The following CTNND2 variants were observed in gnomAD, a reference collection of about 807,000 sequenced individuals.
CTNND2 encodes the protein catenin delta-2.
In CTNND2, 22 loss-of-function variants were observed where a neutral mutation model predicts 144.4. The ratio of observed to expected loss-of-function variants is 0.15; its 90% CI spans 0.11 to 0.22. The LOEUF is 0.22. Ranked by LOEUF, CTNND2 falls within the 10% of genes least tolerant of loss-of-function variation. The pLI, the probability that CTNND2 is intolerant of heterozygous loss-of-function variation, is 1.00. For synonymous variants in CTNND2, 751 were observed against 695.6 expected, an observed-to-expected ratio of 1.08 and a Z score of -1.25; for missense variants, 1,353 against 1,618.8, an observed-to-expected ratio of 0.84 and a Z score of 2.82.
At chr5:11,620,873 C>T (rs1311548239) in intron 2 of CTNND2, among the ~76,000 whole-genome samples, 4 of 152,088 alleles carry the variant, frequency 2.6e-5, no homozygotes, top group African/African-American at 4.8e-5. Context: ...TTCTGGATGT[C>T]GAATACCTGA....
At chr5:11,288,472 G>C (rs532777562) in intron 9 of CTNND2, among the ~76,000 whole-genome samples, 1 of 152,214 alleles carries the variant, frequency 6.6e-6, no homozygotes, top group African/African-American at 2.4e-5. Context: ...GCTTGCATGG[G>C]TGTAATTATT....
intron 9 of CTNND2, among the ~76,000 whole-genome samples, chr5:11,327,079 C>A (rs1446320866): frequency 2.0e-5 from 3 of 152,152 alleles, no homozygotes; most frequent in Non-Finnish European, 2.9e-5. Context: ...GTGCCTATGT[C>A]CAGGGTCCAC....
chr5:11,668,171 TG>T (rs1464491886), intron 2 of CTNND2, among the ~76,000 whole-genome samples: 3 of 152,234 alleles, frequency 2.0e-5, no homozygotes, highest in Non-Finnish European at 2.9e-5. Flanking sequence ...ACTGTAGCCT[TG>T]TAATATAGTT....
intron 11 of CTNND2, among the ~76,000 whole-genome samples, chr5:11,196,577 C>G (rs1197422030): frequency 1.3e-5 from 2 of 152,198 alleles, no homozygotes; most frequent in African/African-American, 4.8e-5. Context: ...GATACCTGAC[C>G]TAATTCCTAA....
chr5:11,682,002 A>G (rs2126629683), intron 2 of CTNND2, among the ~76,000 whole-genome samples: 1 of 150,910 alleles, frequency 6.6e-6, no homozygotes, highest in South Asian at 2.1e-4. Flanking sequence ...CATGACACAC[A>G]GCATGCTGGC....
chr5:11,067,819 G>A (rs1339661874), intron 16 of CTNND2, among the ~76,000 whole-genome samples: 1 of 152,196 alleles, frequency 6.6e-6, no homozygotes, highest in African/African-American at 2.4e-5. Flanking sequence ...AAGTGGAAAG[G>A]TAGAGACTTT....
intron 10 of CTNND2, 36 bp downstream of exon 10, chr5:11,236,655 T>C (rs1451310506): frequency 6.2e-7 from 1 of 1,610,488 alleles, no homozygotes. Flanking sequence ...CTTATGAATC[T>C]GACACCAATC....
At chr5:11,297,206 G>T (rs543913233) in intron 9 of CTNND2, among the ~76,000 whole-genome samples, 1 of 152,210 alleles carries the variant, frequency 6.6e-6, no homozygotes, top group Non-Finnish European at 1.5e-5. Context: ...GTACAAAAAA[G>T]TTCATTGCTA....
chr5:11,882,176 C>T (rs1176703485), intron 1 of CTNND2, among the ~76,000 whole-genome samples: 1 of 151,998 alleles, frequency 6.6e-6, no homozygotes, highest in East Asian at 1.9e-4. Flanking sequence ...TGTCTCTTCA[C>T]TCTATTGATT....
chr5:11,020,751 T>G (rs1454429503), intron 17 of CTNND2, among the ~76,000 whole-genome samples: 1 of 146,290 alleles, frequency 6.8e-6, no homozygotes, highest in Non-Finnish European at 1.5e-5. Flanking sequence ...AAAAAAGAGA[T>G]AAGCTACATG....
intron 9 of CTNND2, among the ~76,000 whole-genome samples, chr5:11,275,330 G>GAAT (rs1259437043): frequency 2.6e-5 from 4 of 152,166 alleles, no homozygotes; most frequent in African/African-American, 9.7e-5. Context: ...TCCCTGCTCA[G>GAAT]AATCAACAAC....
intron 3 of CTNND2, among the ~76,000 whole-genome samples, chr5:11,429,614 G>C (rs1581175741): frequency 6.6e-6 from 1 of 152,282 alleles, no homozygotes; most frequent in East Asian, 1.9e-4. Context: ...AAATGAGTTG[G>C]TGGTGTTGGT....
chr5:11,143,482 A>T (rs1756943130), intron 12 of CTNND2, among the ~76,000 whole-genome samples: 7 of 152,312 alleles, frequency 4.6e-5, no homozygotes, highest in Admixed American at 2.6e-4. Context: ...TTGTAGGAGC[A>T]GGACCCTGAT....
At chr5:11,611,046 G>C (rs931129380) in intron 2 of CTNND2, among the ~76,000 whole-genome samples, 1 of 152,136 alleles carries the variant, frequency 6.6e-6, no homozygotes. Flanking sequence ...GTCATGGGAG[G>C]GACCTGGTGG....
chr5:11,578,513 T>A (rs1248299691), intron 2 of CTNND2, among the ~76,000 whole-genome samples: 1 of 151,674 alleles, frequency 6.6e-6, no homozygotes, highest in Non-Finnish European at 1.5e-5. Context: ...ATACAAAAAT[T>A]AGCCAGGCAC....
At chr5:11,857,934 G>C (rs1795327895) in intron 1 of CTNND2, among the ~76,000 whole-genome samples, 2 of 152,200 alleles carry the variant, frequency 1.3e-5, no homozygotes, top group South Asian at 4.1e-4. Flanking sequence ...AAATGGAAAA[G>C]AGAACTTTTC....
At chr5:11,743,689 G>A (rs923948123) in intron 1 of CTNND2, among the ~76,000 whole-genome samples, 4 of 152,140 alleles carry the variant, frequency 2.6e-5, no homozygotes, top group Admixed American at 6.5e-5. Flanking sequence ...TATTCATGGA[G>A]GCGGCTACAC....
At chr5:11,563,407 T>A (rs950562945) in intron 3 of CTNND2, among the ~76,000 whole-genome samples, 3 of 152,212 alleles carry the variant, frequency 2.0e-5, no homozygotes, top group Non-Finnish European at 4.4e-5. Context: ...GTATATAAAA[T>A]TAGATGGAGT....
chr5:11,695,362 T>C (rs56962561), intron 2 of CTNND2, among the ~76,000 whole-genome samples: 4,053 of 152,204 alleles, frequency 0.027, 179 homozygotes, highest in African/African-American at 0.092. Flanking sequence ...GAGGGGAAAA[T>C]CTTTGTGTCT....
Sources: allele counts gnomAD v4.1 joint callset (sites outside exome capture counted in the v4.1 genomes callset), GRCh38; gene constraint gnomAD v4.1.1; transcripts MANE v1.5; gene names NCBI Gene and HGNC (gene_info 2026-07-23, HGNC 2026-07-21).